The following SOCS7 variants were observed in gnomAD, a reference collection of about 807,000 sequenced individuals.
SOCS7 encodes NAP-4.
Under a neutral mutation model 58.9 loss-of-function variants are expected in SOCS7, and 18 were observed. That is an observed-to-expected ratio of 0.31 (90% CI 0.21 to 0.45). The LOEUF is 0.45. Ranked by LOEUF, SOCS7 falls within the 20% of genes least tolerant of loss-of-function variation. The pLI is 1.00. For missense variants in SOCS7, 667 were observed against 837.3 expected (o/e 0.80, Z 2.51); for synonymous variants, 388 against 364.3 (o/e 1.06, Z -0.74).
rs773540093 is a variant in SOCS7, at chr17:38,352,300, C to T, written c.248C>T (p.Pro83Leu). ...PPEEEDVEAA[P>L]EPGPSELLCP... is the part of the protein sequence containing the mutation. Reference sequence around the variant, plus strand: ...GAGGAGGAGGACGTGGAGGCGGCCCCGGAGCCGGGACCCTCGGAACTGCTG... The same window carrying T: ...GAGGAGGAGGACGTGGAGGCGGCCCTGGAGCCGGGACCCTCGGAACTGCTG... Residue 83 changes from proline (P) to leucine (L), a missense_variant, in exon 1 of 10, where the codon CCG becomes CTG. Physicochemically the swap from Pro to Leu is moderately conservative, Grantham distance 98 (BLOSUM62 -3). Around this residue, in one of 9 missense-constraint regions of SOCS7, gnomAD observed 154 missense variants for 156.3 expected, o/e 0.98. Transcript: ENST00000612932. The surrounding 1 kb of genome is among the most constrained non-coding windows in gnomAD (Gnocchi z 5.5). 2.0e-6 allele frequency: 3 copies of T among 1,487,662 alleles called. No individual in the cohort carries two copies. Among genetic ancestry groups the T allele is most frequent in the African/African-American group, 1.4e-5 (1 of 69,014 alleles). 92.2% of individuals were successfully genotyped at this position (1,487,662 alleles called of 1,614,324 possible).
chr17:38,387,038 C>T (rs1472562704), intron 7 of SOCS7, among the ~76,000 whole-genome samples: 3 of 135,356 alleles, frequency 2.2e-5, no homozygotes, highest in Non-Finnish European at 3.1e-5. Flanking sequence ...TGAGCTATCG[C>T]GCCACTGCAT....
chr17:38,365,464 TTC>T lies in SOCS7; in HGVS notation c.1252+57_1252+58del. ...AGAGTTGGGAGTACAAAGTGATACT[TTC>T]TACCATAGAAGGATGGGAGAAATCT... is the stretch of plus-strand genomic sequence containing the variant. On this transcript the variant is annotated intron_variant, in intron 4 of 9. Coordinates refer to ENST00000612932, the MANE Select transcript of SOCS7 (RefSeq NM_014598.4). 4 of 1,163,578 alleles carry T rather than the reference TTC, an allele frequency of 3.4e-6. No homozygotes were observed. The South Asian group carries it at 5.8e-5, about 17-fold the overall frequency. 72.1% of individuals were successfully genotyped at this position (1,163,578 alleles called of 1,614,324 possible). A position where few individuals can be genotyped will look rare whatever the true frequency, so the allele number is the denominator to read the frequency against.
chr17:38,401,920 A>G lies in SOCS7; in HGVS notation c.*2438A>G, dbSNP rs565592477. On this transcript the variant is annotated 3_prime_UTR_variant, in exon 10 of 10. Coordinates refer to ENST00000612932, the MANE Select transcript of SOCS7 (RefSeq NM_014598.4). ...ATGGTGAGGTGGAGCCCAAAGCCCA[A>G]AGGAGTCAGCAAGGCTCCTGCCCAT... The G allele has an allele frequency of 3.2e-4, 49 of 152,400 alleles. No individual in the cohort carries two copies. The highest frequency in any genetic ancestry group is 1.2e-3 in the African/African-American group (48 of 41,562). The allele number at this position is 152,400 out of a possible 1,614,324, so 9.4% of individuals were successfully genotyped here.
At chr17:38,382,555 G>A (rs111651475) in intron 7 of SOCS7, among the ~76,000 whole-genome samples, 7,556 of 151,716 alleles carry the variant, frequency 0.05, 221 homozygotes, top group Middle Eastern at 0.2. Flanking sequence ...GCACGATCTC[G>A]GCTCACTGCA....
chr17:38,378,880 G>C (rs1172745940), intron 7 of SOCS7, among the ~76,000 whole-genome samples: 1 of 152,116 alleles, frequency 6.6e-6, no homozygotes, highest in Non-Finnish European at 1.5e-5. Flanking sequence ...CTTAAGCCAG[G>C]CATGGTGGCT....
At chr17:38,388,164 G>A (rs1178974487) in intron 7 of SOCS7, among the ~76,000 whole-genome samples, 1 of 151,910 alleles carries the variant, frequency 6.6e-6, no homozygotes, top group Non-Finnish European at 1.5e-5. Flanking sequence ...CTTCATGTCG[G>A]GGTATTTTTC....
chr17:38,354,789 T>A (rs1555566634), intron 1 of SOCS7, among the ~76,000 whole-genome samples: 1 of 152,242 alleles, frequency 6.6e-6, no homozygotes, highest in Non-Finnish European at 1.5e-5. Context: ...CTTGCCTTTG[T>A]TCCATATTGA....
Position 38,377,807 on chromosome 17 carries a change from G to C in SOCS7, c.1646G>C (p.Gly549Ala). Residue 549 changes from glycine (G) to alanine (A), a missense_variant, in exon 7 of 10, where the codon GGA becomes GCA. By Grantham distance (60) the Gly-to-Ala change is moderately conservative. Coordinates refer to ENST00000612932, the MANE Select transcript of SOCS7 (RefSeq NM_014598.4). ...IKRAIMHSKN[G>A]KFLYFLRSRV... ...AGAGCCATTATGCACTCCAAGAATGGAAAGTTTCTCTATTTCTTAAGATCC... is the reference window on the plus strand; with the variant it reads ...AGAGCCATTATGCACTCCAAGAATGCAAAGTTTCTCTATTTCTTAAGATCC... The C allele has an allele frequency of 1.2e-6, 2 of 1,613,622 alleles. No individual in the cohort carries two copies. Among genetic ancestry groups the C allele is most frequent in the Non-Finnish European group, 1.7e-6 (2 of 1,179,758 alleles).
At chr17:38,365,905 C>A in intron 4 of SOCS7, 1 of 842,496 alleles carries the variant, frequency 1.2e-6, no homozygotes, top group Non-Finnish European at 1.5e-6. Context: ...CTGGCAAAAT[C>A]ATTACTCTTC....
intron 6 of SOCS7, among the ~76,000 whole-genome samples, chr17:38,375,319 AG>A (rs2037917061): frequency 6.6e-6 from 1 of 151,648 alleles, no homozygotes; most frequent in African/African-American, 2.4e-5. Context: ...GCCACCCCTG[AG>A]ACACCCCCCT....
At chr17:38,360,890 GT>G (rs996601875) in intron 1 of SOCS7, among the ~76,000 whole-genome samples, 26 of 152,208 alleles carry the variant, frequency 1.7e-4, no homozygotes, top group African/African-American at 6.3e-4. Context: ...TCTGAGGTGA[GT>G]TTTTTTGGTT....
At chr17:38,368,800 C>T (rs1035809493) in intron 6 of SOCS7, among the ~76,000 whole-genome samples, 1 of 152,204 alleles carries the variant, frequency 6.6e-6, no homozygotes, top group African/African-American at 2.4e-5. Context: ...ATTTCTTTGT[C>T]TGATAGTCAC....
intron 5 of SOCS7, 81 bp downstream of exon 5, chr17:38,366,498 GTTTA>G (rs1253479327): frequency 1.3e-6 from 2 of 1,530,900 alleles, no homozygotes; most frequent in African/African-American, 1.4e-5. Flanking sequence ...TTATTTATGT[GTTTA>G]TTTATTTTTA....
chr17:38,371,822 T>C (rs11868165), intron 6 of SOCS7, among the ~76,000 whole-genome samples: 2,764 of 151,132 alleles, frequency 0.018, 87 homozygotes, highest in African/African-American at 0.063. Flanking sequence ...TTTTTGAGTT[T>C]TTTCTTGTTT....
chr17:38,352,850 G>A lies in SOCS7; in HGVS notation c.798G>A (p.Ala266=), dbSNP rs1046914012. Residue 266 remains alanine, a synonymous_variant, in exon 1 of 10, where the codon GCG becomes GCA. Transcript: ENST00000612932. The surrounding 1 kb of genome is among the most constrained non-coding windows in gnomAD (Gnocchi z 5.5). Reference sequence around the variant, plus strand: ...CTCCCGGGCCCCTCCGGCCACTCGCGGGTCCTTCTCGGAAGGGCTCCTTCA... The same window carrying A: ...CTCCCGGGCCCCTCCGGCCACTCGCAGGTCCTTCTCGGAAGGGCTCCTTCA... ...PPPPGPLRPL[A]GPSRKGSFKI... 1 of 1,582,438 alleles carries A rather than the reference G, an allele frequency of 6.3e-7. No homozygotes were observed. Among genetic ancestry groups the A allele is most frequent in the Non-Finnish European group, 8.6e-7 (1 of 1,164,724 alleles).
chr17:38,367,150 C>T (rs1015564631), intron 5 of SOCS7, among the ~76,000 whole-genome samples: 3 of 152,010 alleles, frequency 2.0e-5, no homozygotes, highest in Admixed American at 1.3e-4. Flanking sequence ...CTGAAAACTC[C>T]GCCTCCTGGG....
intron 5 of SOCS7, 74 bp downstream of exon 5, chr17:38,366,491 T>C: frequency 1.3e-6 from 2 of 1,541,088 alleles, no homozygotes; most frequent in Non-Finnish European, 1.8e-6. Context: ...CACACCTTTA[T>C]TTATGTGTTT....
intron 5 of SOCS7, among the ~76,000 whole-genome samples, chr17:38,366,961 C>T (rs2037798162): frequency 6.6e-6 from 1 of 152,186 alleles, no homozygotes; most frequent in Non-Finnish European, 1.5e-5. Context: ...ATAGTCTAAG[C>T]TGATTTTGAT....
rs375787710 is a variant in SOCS7 at position 38,365,424 on chromosome 17, G to A, written c.1252+15G>A. The A allele has an allele frequency of 6.4e-7, 1 of 1,561,560 alleles. No individual in the cohort carries two copies. Among genetic ancestry groups the A allele is most frequent in the Non-Finnish European group, 8.8e-7 (1 of 1,140,498 alleles). ...CCATGCCCCAGGTTAGCTTAGTTTA[G>A]AGGCAAGACTTGTAAGAGTTGGGAG... On this transcript the variant is annotated intron_variant, in intron 4 of 9. Transcript: ENST00000612932.
Sources: gnomAD v4.1 joint callset for allele counts (sites outside exome capture counted in the v4.1 genomes callset) on GRCh38, gnomAD v4.1.1 for gene constraint, gnomAD v4.1.1 regional missense constraint, Gnocchi (gnomAD v3.1) non-coding constraint, MANE v1.5 for transcripts, NCBI Gene and HGNC (gene_info 2026-07-23, HGNC 2026-07-21) for gene names.